LRRC7: variants seen among roughly 807,000 people sequenced by gnomAD.
LRRC7 encodes leucine-rich repeat-containing protein 7.
LRRC7 carries 23 observed loss-of-function variants against 175.7 expected under a neutral mutation model. That is an observed-to-expected ratio of 0.13 (90% CI 0.09 to 0.19). The LOEUF (loss-of-function observed/expected upper bound fraction) is 0.19, where lower values mean the gene tolerates loss of function less well. LRRC7 is among the 10% of genes least tolerant of loss of function. LRRC7 has a pLI of 1.00. For missense variants in LRRC7, 1,354 were observed against 1,904.7 expected, an observed-to-expected ratio of 0.71 and a Z score of 5.38; for synonymous variants, 685 against 680.9, an observed-to-expected ratio of 1.01 and a Z score of -0.09.
At chr1:70,031,282 C>A (rs1407530033) in intron 18 of LRRC7, 1 of 152,044 alleles carries the variant, frequency 6.6e-6, no homozygotes, top group Non-Finnish European at 1.5e-5. Context: ...TGATATAGTC[C>A]AGTATAATGA....
chr1:70,038,859 A>G lies in LRRC7; in HGVS notation c.3035A>G (p.His1012Arg). 1 of 1,614,020 alleles carries G rather than the reference A, an allele frequency of 6.2e-7. No individual in the cohort carries two copies. The highest frequency in any genetic ancestry group is 2.2e-5 in the East Asian group (1 of 44,816). ...GAAAACTATGCTTCTGGGAGTGATC[A>G]CTTAGGAAGCCACGAACGACCGGAT... ...PLENYASGSD[H>R]LGSHERPDKM... Residue 1012 changes from histidine (H) to arginine (R), a missense_variant, in exon 21 of 27, where the codon CAC becomes CGC. His to Arg is a conservative substitution (Grantham distance 29, BLOSUM62 0). Around this residue, in one of 4 missense-constraint regions of LRRC7, gnomAD observed 1,032 missense variants for 1,227.2 expected, o/e 0.84. Transcript: ENST00000651989.
At chr1:69,861,003 G>T (rs1684301309) in intron 7 of LRRC7, among the ~76,000 whole-genome samples, 1 of 151,966 alleles carries the variant, frequency 6.6e-6, no homozygotes, top group Admixed American at 6.6e-5. Flanking sequence ...GTCACTTGAG[G>T]CTCAGGTCAA....
At chr1:69,855,483 T>C (rs146314056) in intron 7 of LRRC7, among the ~76,000 whole-genome samples, 1,882 of 152,214 alleles carry the variant, frequency 0.012, 34 homozygotes, top group African/African-American at 0.042. Flanking sequence ...GCACTGTGGT[T>C]TGAGGGACAG....
intron 7 of LRRC7, among the ~76,000 whole-genome samples, chr1:69,907,399 G>C (rs1375805443): frequency 1.3e-5 from 2 of 152,132 alleles, no homozygotes; most frequent in African/African-American, 4.8e-5. Flanking sequence ...CTGTGGGTTT[G>C]TCATAGATAG....
chr1:69,764,722 T>TAGACAGAC (rs1220324891), intron 3 of LRRC7, among the ~76,000 whole-genome samples: 1 of 99,972 alleles, frequency 1.0e-5, no homozygotes, highest in African/African-American at 3.7e-5. Flanking sequence ...GGTAGGTAGA[T>TAGACAGAC]AGATAGACAG....
At chr1:70,068,497 A>C (rs1017144171) in intron 23 of LRRC7, among the ~76,000 whole-genome samples, 2 of 152,030 alleles carry the variant, frequency 1.3e-5, no homozygotes, top group Admixed American at 1.3e-4. Context: ...CTAAATTTTC[A>C]TTGCCAATAT....
chr1:69,867,976 G>A lies in LRRC7; in HGVS notation c.647+29693G>A, dbSNP rs149343555. Among the ~76,000 whole-genome samples the A allele has an allele frequency of 4.6e-4, 70 of 152,194 alleles. No individual in the cohort carries two copies. The East Asian group carries it at 0.012, about 25-fold the overall frequency. On this transcript the variant is annotated intron_variant, in intron 7 of 26. Coordinates refer to ENST00000651989, the MANE Select transcript of LRRC7 (RefSeq NM_001370785.2). ...AAAAGTAAAATTAAGAGGTCCAAGA[G>A]ATACACAGATCCAGAGACCAGAGAG...
In LRRC7 at chr1:70,132,088, T is replaced by C. The variant is rs1666687118; in HGVS notation, c.*10201T>C. On this transcript the variant is annotated 3_prime_UTR_variant, in exon 27 of 27. Transcript: ENST00000651989. ...CTGATACAGAGAATCAGAGAGGAAC[T>C]GGATAAAAGAAATCAGATTCAGGCA... 1 of 152,104 alleles carries C rather than the reference T, an allele frequency of 6.6e-6. No individual in the cohort carries two copies. The highest frequency in any genetic ancestry group is 2.4e-5 in the African/African-American group (1 of 41,418). 9.4% of individuals were successfully genotyped at this position (152,104 alleles called of 1,614,324 possible).
intron 7 of LRRC7, among the ~76,000 whole-genome samples, chr1:69,879,239 C>T (rs1405354368): frequency 4.9e-5 from 3 of 61,308 alleles, no homozygotes; most frequent in African/African-American, 1.9e-4. Flanking sequence ...AAAAAAAAGA[C>T]TGCGCACTGG....
intron 8 of LRRC7, among the ~76,000 whole-genome samples, chr1:69,962,403 A>G (rs1466438917): frequency 6.6e-6 from 1 of 152,220 alleles, no homozygotes; most frequent in Non-Finnish European, 1.5e-5. Flanking sequence ...TAGTTCAACC[A>G]TTGTGGAAGA....
At chr1:69,695,085 T>C (rs1304569331) in intron 2 of LRRC7, among the ~76,000 whole-genome samples, 1 of 152,132 alleles carries the variant, frequency 6.6e-6, no homozygotes, top group Non-Finnish European at 1.5e-5. Flanking sequence ...TTTGAAACTT[T>C]TGAGTGGCTT....
At chr1:69,723,576 T>A (rs114566776) in intron 2 of LRRC7, among the ~76,000 whole-genome samples, 1 of 152,218 alleles carries the variant, frequency 6.6e-6, no homozygotes, top group Non-Finnish European at 1.5e-5. Flanking sequence ...TCATGACTAT[T>A]CATTTCATAT....
intron 11 of LRRC7, among the ~76,000 whole-genome samples, chr1:69,996,247 G>A (rs1211759159): frequency 3.3e-5 from 5 of 152,070 alleles, no homozygotes; most frequent in African/African-American, 1.2e-4. Context: ...TTTTGATGGG[G>A]TTGTTTGTTT....
At chr1:69,808,195 C>T (rs1164773740) in intron 4 of LRRC7, among the ~76,000 whole-genome samples, 1 of 151,648 alleles carries the variant, frequency 6.6e-6, no homozygotes, top group Non-Finnish European at 1.5e-5. Flanking sequence ...GTTAGCAATG[C>T]ATCTAACCTT....
chr1:69,868,150 A>G (rs954685032), intron 7 of LRRC7, among the ~76,000 whole-genome samples: 18 of 152,260 alleles, frequency 1.2e-4, no homozygotes. Flanking sequence ...TTATGAAGCC[A>G]TTAAAATTGT....
rs770967738 is a variant in LRRC7 at position 70,039,538 on chromosome 1, G to A, written c.3714G>A (p.Leu1238=). ...PVKNLTQRRP[L]SARSYSTESY... Reference sequence around the variant, plus strand: ...AAAACCTTACCCAAAGGAGGCCATTGTCTGCGAGAAGCTACAGTACAGAGA... The same window carrying A: ...AAAACCTTACCCAAAGGAGGCCATTATCTGCGAGAAGCTACAGTACAGAGA... Residue 1238 remains leucine, a synonymous_variant, in exon 21 of 27, where the codon TTG becomes TTA. Coordinates refer to ENST00000651989, the MANE Select transcript of LRRC7 (RefSeq NM_001370785.2). The A allele has an allele frequency of 6.2e-7, 1 of 1,614,134 alleles. No homozygotes were observed. The highest frequency in any genetic ancestry group is 8.5e-7 in the Non-Finnish European group (1 of 1,180,000).
chr1:69,677,382 A>G (rs1460674133), intron 1 of LRRC7, among the ~76,000 whole-genome samples: 3 of 151,704 alleles, frequency 2.0e-5, no homozygotes, highest in East Asian at 1.9e-4. Context: ...TAATAAACAT[A>G]TGAGTGCAGG....
chr1:70,015,887 A>G (rs1656921755), intron 13 of LRRC7, among the ~76,000 whole-genome samples: 1 of 152,190 alleles, frequency 6.6e-6, no homozygotes. Context: ...CTTTGCCCTC[A>G]TGGAGCCTAC....
At chr1:69,919,451 G>A in intron 7 of LRRC7, 2 of 977,198 alleles carry the variant, frequency 2.0e-6, no homozygotes, top group East Asian at 5.2e-5. Flanking sequence ...ACTAACCCCA[G>A]CCAGTGGGAG....
Sources: allele counts gnomAD v4.1 joint callset (sites outside exome capture counted in the v4.1 genomes callset), GRCh38; gene constraint gnomAD v4.1.1; regional missense constraint gnomAD v4.1.1; transcripts MANE v1.5; gene names NCBI Gene and HGNC (gene_info 2026-07-23, HGNC 2026-07-21).